SGPP2: variants seen among roughly 807,000 people sequenced by gnomAD.
The protein encoded by SGPP2 is sphingosine-1-phosphate phosphatase 2, also known as sphingosine 1-phosphate phosphohydrolase 2.
SGPP2 carries 30 observed loss-of-function variants against 33.9 expected under a neutral mutation model. The ratio of observed to expected loss-of-function variants is 0.89; its 90% CI spans 0.66 to 1.20. The LOEUF (loss-of-function observed/expected upper bound fraction) is 1.20, where lower values mean the gene tolerates loss of function less well. Ranked by LOEUF, SGPP2 falls within the 50% of genes most tolerant of loss-of-function variation. The pLI is 0.00. For synonymous variants in SGPP2, 233 were observed against 225.0 expected (o/e 1.04, Z -0.32); for missense variants, 458 against 532.1 (o/e 0.86, Z 1.37).
intron 2 of SGPP2, 66 bp downstream of exon 2, chr2:222,474,792 G>T: frequency 3.9e-5 from 47 of 1,190,766 alleles, no homozygotes; most frequent in Non-Finnish European, 5.5e-5. Context: ...TGATACTCAA[G>T]TACTTTGCAA....
intron 2 of SGPP2, among the ~76,000 whole-genome samples, chr2:222,499,091 G>C (rs963151515): frequency 6.6e-6 from 1 of 152,220 alleles, no homozygotes; most frequent in African/African-American, 2.4e-5. Flanking sequence ...AATCTGGTAA[G>C]ACATTTCATC....
Position 222,477,067 on chromosome 2 carries a change from G to GGTGTGTATATATGTGTA in SGPP2, c.378+2341_378+2342insGTGTGTATATATGTGTA, listed in dbSNP as rs1386096893. On this transcript the variant is annotated intron_variant, in intron 2 of 4. Coordinates refer to ENST00000321276, the MANE Select transcript of SGPP2 (RefSeq NM_152386.4). The surrounding 1 kb of genome is among the most constrained non-coding windows in gnomAD (Gnocchi z 6.0). ...TGTGTATAGGTGTGTATATATGTGT[G>GGTGTGTATATATGTGTA]TTTATAGATATGTATATATTTGTGA... is the stretch of plus-strand genomic sequence containing the variant. 4.7e-4 allele frequency among the ~76,000 whole-genome samples: 68 copies of GGTGTGTATATATGTGTA among 144,016 alleles called. 1 individual carries two copies. The highest frequency in any genetic ancestry group is 1.9e-3 in the African/African-American group (66 of 34,346). The allele number at this position is 144,016 out of a possible 152,430, so 94.5% of individuals were successfully genotyped here.
intron 1 of SGPP2, among the ~76,000 whole-genome samples, chr2:222,437,776 C>G (rs947654599): frequency 1.3e-5 from 2 of 152,142 alleles, no homozygotes; most frequent in African/African-American, 4.8e-5. Flanking sequence ...TCAGTTTCCA[C>G]CAAAGCCTAG....
chr2:222,555,304 C>G lies in SGPP2; in HGVS notation c.649-3043C>G, dbSNP rs370011595. Among the ~76,000 whole-genome samples the G allele has an allele frequency of 1.8e-4, 27 of 152,258 alleles. No homozygotes were observed. In the South Asian group the frequency reaches 5.6e-3, roughly 32 times the overall value. ...TATTAATAAAACTGCTATAAGCATG[C>G]ATGTACCATTATTTGTGGGAACATA... On this transcript the variant is annotated intron_variant, in intron 4 of 4. Transcript: ENST00000321276.
intron 1 of SGPP2, 35 bp downstream of exon 1, chr2:222,424,856 G>C (rs936872965): frequency 2.2e-5 from 29 of 1,295,402 alleles, no homozygotes; most frequent in Middle Eastern, 5.8e-4. Flanking sequence ...GGTACGGGGA[G>C]GGGGCGGCTG....
chr2:222,478,185 G>A (rs1697977059), intron 2 of SGPP2, among the ~76,000 whole-genome samples: 2 of 150,856 alleles, frequency 1.3e-5, no homozygotes. Context: ...AGGGAGAGAG[G>A]GAGAGAGGGA....
chr2:222,472,252 A>G (rs1324008255), intron 1 of SGPP2, among the ~76,000 whole-genome samples: 9 of 152,154 alleles, frequency 5.9e-5, no homozygotes, highest in Non-Finnish European at 1.0e-4. Flanking sequence ...TAATCTCCCA[A>G]TGGGTTCTTC....
intron 1 of SGPP2, among the ~76,000 whole-genome samples, chr2:222,467,857 T>TC (rs1166962422): frequency 2.1e-5 from 3 of 143,756 alleles, no homozygotes; most frequent in East Asian, 2.1e-4. Flanking sequence ...CAGATTACCA[T>TC]CCCCCCGAGA....
chr2:222,444,771 G>A (rs1396365437), intron 1 of SGPP2, among the ~76,000 whole-genome samples: 3 of 152,186 alleles, frequency 2.0e-5, no homozygotes, highest in Admixed American at 1.3e-4. Flanking sequence ...ATAGAACTAG[G>A]TGCAGCAGAA....
At chr2:222,467,735 A>T (rs1697767233) in intron 1 of SGPP2, among the ~76,000 whole-genome samples, 1 of 152,026 alleles carries the variant, frequency 6.6e-6, no homozygotes, top group African/African-American at 2.4e-5. Flanking sequence ...TTTGAATCTT[A>T]ACATTATCTT....
chr2:222,533,669 C>T (rs1010653978), intron 4 of SGPP2, among the ~76,000 whole-genome samples: 1 of 152,112 alleles, frequency 6.6e-6, no homozygotes, highest in Non-Finnish European at 1.5e-5. Flanking sequence ...GAGTGGGACC[C>T]CAGGCCTTGA....
chr2:222,540,277 A>G (rs1698971895), intron 4 of SGPP2, among the ~76,000 whole-genome samples: 1 of 152,210 alleles, frequency 6.6e-6, no homozygotes, highest in Non-Finnish European at 1.5e-5. Context: ...AGGTAATTTT[A>G]TGCAGTATTT....
chr2:222,437,476 C>A (rs867291984), intron 1 of SGPP2, among the ~76,000 whole-genome samples: 2 of 152,230 alleles, frequency 1.3e-5, no homozygotes, highest in South Asian at 4.1e-4. Context: ...CTAGTCTTCT[C>A]TTCCTCTGTC....
At chr2:222,483,077 A>G (rs962583273) in intron 2 of SGPP2, among the ~76,000 whole-genome samples, 1 of 152,226 alleles carries the variant, frequency 6.6e-6, no homozygotes, top group African/African-American at 2.4e-5. Flanking sequence ...GCGGGACAAC[A>G]TTAAAAAAAT....
At chr2:222,455,456 C>T (rs774666324) in intron 1 of SGPP2, among the ~76,000 whole-genome samples, 44 of 152,118 alleles carry the variant, frequency 2.9e-4, no homozygotes, top group Middle Eastern at 3.4e-3. Context: ...CAGTAAGCAA[C>T]GGCCAGAGTG....
intron 1 of SGPP2, among the ~76,000 whole-genome samples, chr2:222,426,505 C>A (rs4499418): frequency 0.77 from 117,084 of 152,124 alleles, 45,188 homozygotes; most frequent in Middle Eastern, 0.9. Flanking sequence ...TAAAAGCAAG[C>A]TAAGCAGATT....
chr2:222,456,838 G>T (rs1697581242), intron 1 of SGPP2, among the ~76,000 whole-genome samples: 1 of 152,110 alleles, frequency 6.6e-6, no homozygotes, highest in African/African-American at 2.4e-5. Flanking sequence ...TTTTAAGAGG[G>T]CAATAAAGTA....
At chr2:222,485,160 C>A (rs569296588) in intron 2 of SGPP2, among the ~76,000 whole-genome samples, 1 of 152,196 alleles carries the variant, frequency 6.6e-6, no homozygotes, top group South Asian at 2.1e-4. Flanking sequence ...TTTTCCACTG[C>A]GCCATGTTGC....
At chr2:222,463,993 GC>G (rs1269254838) in intron 1 of SGPP2, among the ~76,000 whole-genome samples, 8 of 152,238 alleles carry the variant, frequency 5.3e-5, no homozygotes, top group African/African-American at 1.7e-4. Context: ...GAGGGGAAAT[GC>G]CTGGATGAAA....
Sources: gnomAD v4.1 joint callset for allele counts (sites outside exome capture counted in the v4.1 genomes callset) on GRCh38, gnomAD v4.1.1 for gene constraint, Gnocchi (gnomAD v3.1) non-coding constraint, MANE v1.5 for transcripts, NCBI Gene and HGNC (gene_info 2026-07-23, HGNC 2026-07-21) for gene names.